The following SLX4 variants were observed in gnomAD, a reference collection of about 807,000 sequenced individuals.
SLX4 encodes the protein SLX4 structure-specific endonuclease subunit, also known as structure-specific endonuclease subunit SLX4.
SLX4 carries 112 observed loss-of-function variants against 146.2 expected under a neutral mutation model. The ratio of observed to expected loss-of-function variants is 0.77; its 90% CI spans 0.66 to 0.90. The LOEUF is 0.90. Ranked by LOEUF, SLX4 falls within the 40% of genes least tolerant of loss-of-function variation. SLX4 has a pLI of 0.00. For synonymous variants in SLX4, 1,061 were observed against 997.7 expected, an observed-to-expected ratio of 1.06 and a Z score of -1.20; for missense variants, 2,563 against 2,392.7, an observed-to-expected ratio of 1.07 and a Z score of -1.49.
intron 8 of SLX4, 97 bp from the exon 9 acceptor site, chr16:3,595,790 G>A: frequency 2.8e-6 from 4 of 1,412,512 alleles, no homozygotes; most frequent in Non-Finnish European, 3.9e-6. Flanking sequence ...AGCCCCTGCG[G>A]TGCCTCGGAA....
chr16:3,596,541 GCCACA>G, intron 7 of SLX4, 148 bp from the exon 8 acceptor site: 3 of 970,386 alleles, frequency 3.1e-6, no homozygotes, highest in Non-Finnish European at 4.4e-6. Context: ...CGGGGCTCCA[GCCACA>G]GCCTGGAGCA....
intron 10 of SLX4, among the ~76,000 whole-genome samples, chr16:3,593,815 G>GT (rs751646747): frequency 6.6e-6 from 1 of 152,208 alleles, no homozygotes; most frequent in African/African-American, 2.4e-5. Flanking sequence ...ATGAGCCTTT[G>GT]TAATTATGCA....
At chr16:3,606,258 AAAAC>A (rs2040781530) in intron 3 of SLX4, among the ~76,000 whole-genome samples, 1 of 152,132 alleles carries the variant, frequency 6.6e-6, no homozygotes, top group Admixed American at 6.5e-5. Context: ...CTCAGAAAAA[AAAAC>A]AAAACGGTAC....
At position 3,606,593 on chromosome 16, in the gene SLX4, T is replaced by A; in HGVS notation, c.641A>T (p.Gln214Leu). 6.2e-6 allele frequency: 10 copies of A among 1,614,224 alleles called. No individual in the cohort carries two copies. The highest frequency in any genetic ancestry group is 8.5e-6 in the Non-Finnish European group (10 of 1,180,048). Residue 214 changes from glutamine (Q) to leucine (L), a missense_variant, in exon 3 of 15, where the codon CAG becomes CTG. Transcript: ENST00000294008. ...RTAQLVLQRM[Q>L]QFKRADPERL... The stretch of plus-strand genomic sequence containing the variant: ...CTCGGGGTCTGCTCTCTTGAACTGC[T>A]GCATTCGCTGTAGGACCAATTGTGC...
chr16:3,604,216 C>CAAAAAA (rs1215741550), intron 3 of SLX4, among the ~76,000 whole-genome samples: 1 of 63,800 alleles, frequency 1.6e-5, no homozygotes. Context: ...AAGCCTCTGT[C>CAAAAAA]AAAAAAAAAA....
intron 5 of SLX4, among the ~76,000 whole-genome samples, chr16:3,599,847 A>G (rs1245934756): frequency 6.6e-6 from 1 of 152,120 alleles, no homozygotes; most frequent in Non-Finnish European, 1.5e-5. Flanking sequence ...TGGCCTCCCA[A>G]AGTATTGAGA....
rs58735123 is a variant in SLX4 at position 3,590,529 on chromosome 16, A to G, written c.3109T>C (p.Leu1037=). 2,511 of 1,613,078 alleles carry G rather than the reference A, an allele frequency of 1.6e-3. 37 individuals carry two copies. The East Asian group carries it at 0.038, about 24-fold the overall frequency. Residue 1037 remains leucine, a synonymous_variant, in exon 12 of 15, where the codon TTG becomes CTG. Coordinates refer to ENST00000294008, the MANE Select transcript of SLX4 (RefSeq NM_032444.4). The surrounding 1 kb of genome is among the most constrained non-coding windows in gnomAD (Gnocchi z 4.8). ...GGACTCCCGCCCTGGGGAGGCCCCA[A>G]TAGGAAGCGGCACGGGTGCGGTGGA... ...ASPPHPCRFL[L]GPPQGGSPRG...
In SLX4 at chr16:3,597,507, A is replaced by G. The variant is rs746419738; in HGVS notation, c.1555T>C (p.Cys519Arg). ...TGCTTGCGTTCAGGTGGAGGAGGAC[A>G]CTGGCCCGCTCTTTCCCACCCTTCC... ...LKEGWERAGQ[C>R]PPPPERKQSF... is the part of the protein sequence containing the mutation. The change falls in exon 7 of 15, where the codon TGT (cysteine) becomes CGT (arginine). Residue 519 changes from cysteine (C) to arginine (R), a missense_variant. Cys to Arg is a radical substitution (Grantham distance 180). Transcript: ENST00000294008. The surrounding 1 kb of genome is among the most constrained non-coding windows in gnomAD (Gnocchi z 4.4). The G allele has an allele frequency of 5.6e-6, 9 of 1,613,938 alleles. No individual in the cohort carries two copies. Among genetic ancestry groups the G allele is most frequent in the African/African-American group, 1.3e-5 (1 of 74,876 alleles).
intron 4 of SLX4, 119 bp downstream of exon 4, chr16:3,601,999 G>A (rs2040732200): frequency 8.4e-7 from 1 of 1,193,360 alleles, no homozygotes. Flanking sequence ...GGGGTAGGTT[G>A]ACAACAAAGC....
chr16:3,592,704 G>C lies in SLX4; in HGVS notation c.2322C>G (p.Ala774=). Residue 774 remains alanine (A), a synonymous_variant, in exon 11 of 15, where the codon GCC becomes GCG. Transcript: ENST00000294008. ...PGLSSELSSL[A]HRFGVSELVH... is the part of the protein sequence containing the mutation. ...AGCTGGGGAGCAATCCAGACCTGTG[G>C]GCCAGGGAGCTCAGCTCAGAGCTAA... The C allele has an allele frequency of 6.2e-7, 1 of 1,613,036 alleles. No individual in the cohort carries two copies. Among genetic ancestry groups the C allele is most frequent in the Non-Finnish European group, 8.5e-7 (1 of 1,179,876 alleles).
chr16:3,602,412 G>T, intron 3 of SLX4, 105 bp from the exon 4 acceptor site: 1 of 1,372,478 alleles, frequency 7.3e-7, no homozygotes, highest in Non-Finnish European at 1.0e-6. Context: ...CAGGTGGAAC[G>T]CAAAGAAACC....
At chr16:3,602,012 A>T in intron 4 of SLX4, 106 bp downstream of exon 4, 1 of 1,302,470 alleles carries the variant, frequency 7.7e-7, no homozygotes. Flanking sequence ...AACAAAGCTG[A>T]GGTGCTGTTG....
chr16:3,582,739 G>A, intron 14 of SLX4, 46 bp from the exon 15 acceptor site: 2 of 1,528,976 alleles, frequency 1.3e-6, no homozygotes, highest in South Asian at 1.1e-5. Context: ...TTTCTCTCCA[G>A]CCCCTGAGAC....
At chr16:3,596,483 G>A in intron 7 of SLX4, 90 bp from the exon 8 acceptor site, 1 of 1,427,120 alleles carries the variant, frequency 7.0e-7, no homozygotes, top group Non-Finnish European at 9.3e-7. Flanking sequence ...TGCACGGCTG[G>A]ACCTAAAACT....
chr16:3,600,591 C>G (rs964889695), intron 5 of SLX4: 3 of 102,614 alleles, frequency 2.9e-5, no homozygotes, highest in African/African-American at 6.2e-5. Flanking sequence ...CTATAAAAAG[C>G]TTTTTTTTTT....
At chr16:3,601,359 A>G in intron 4 of SLX4, 168 bp from the exon 5 acceptor site, 1 of 679,172 alleles carries the variant, frequency 1.5e-6, no homozygotes, top group African/African-American at 1.8e-5. Context: ...CCTAGACACT[A>G]CACTTAGGTA....
At chr16:3,607,122 T>C (rs1310876960) in intron 2 of SLX4, among the ~76,000 whole-genome samples, 1 of 152,228 alleles carries the variant, frequency 6.6e-6, no homozygotes, top group Non-Finnish European at 1.5e-5. Context: ...AGATCAGTTC[T>C]TCTTTAACTT....
At chr16:3,586,817 C>CA (rs1361035549) in intron 12 of SLX4, among the ~76,000 whole-genome samples, 4,216 of 92,200 alleles carry the variant, frequency 0.046, 159 homozygotes, top group African/African-American at 0.13. Flanking sequence ...GGCTCCGTCT[C>CA]AAAAAAAAAA....
At chr16:3,593,337 G>A (rs576321445) in intron 10 of SLX4, among the ~76,000 whole-genome samples, 2 of 152,224 alleles carry the variant, frequency 1.3e-5, no homozygotes, top group Admixed American at 6.5e-5. Flanking sequence ...GCCTCCCAAA[G>A]TGCTGGGATT....
Sources: gnomAD v4.1 joint callset for allele counts (sites outside exome capture counted in the v4.1 genomes callset) on GRCh38, gnomAD v4.1.1 for gene constraint, Gnocchi (gnomAD v3.1) non-coding constraint, MANE v1.5 for transcripts, NCBI Gene and HGNC (gene_info 2026-07-23, HGNC 2026-07-21) for gene names.